Variants in BCAS4 observed in about 807,000 individuals in gnomAD.
BCAS4 encodes breast carcinoma amplified sequence 4.
Under a neutral mutation model 15.7 loss-of-function variants are expected in BCAS4, and 9 were observed. The observed-to-expected ratio is 0.57, with a 90% CI of 0.34 to 1.00. The LOEUF (loss-of-function observed/expected upper bound fraction) is 1.00, where lower values mean the gene tolerates loss of function less well. BCAS4 is among the 50% of genes least tolerant of loss of function. The pLI is 0.02. For missense variants in BCAS4, 225 were observed against 239.1 expected (o/e 0.94, Z 0.39); for synonymous variants, 101 against 99.5 (o/e 1.02, Z -0.09).
intron 2 of BCAS4, among the ~76,000 whole-genome samples, chr20:50,822,415 C>T (rs1008609373): frequency 2.4e-4 from 37 of 152,254 alleles, no homozygotes; most frequent in African/African-American, 8.7e-4. Flanking sequence ...TGTAGCTGTC[C>T]TTAATCCACT....
At position 50,851,101 on chromosome 20, in the gene BCAS4, A is replaced by G. The variant is rs6020793; in HGVS notation, c.399+9201A>G. Reference sequence around the variant, plus strand: ...GGGGTGCTGGGTCTCTCCCCTGCAGAATCCCCCTGCAGGAGGTGACTCGGG... The same window carrying G: ...GGGGTGCTGGGTCTCTCCCCTGCAGGATCCCCCTGCAGGAGGTGACTCGGG... On this transcript the variant is annotated intron_variant, in intron 4 of 4. Coordinates refer to ENST00000371608, the MANE Select transcript of BCAS4 (RefSeq NM_198799.4). This position sits in a 1 kb window ranked among gnomAD's most constrained non-coding sequence, Gnocchi z 4.3. Among the ~76,000 whole-genome samples, 2,043 of 123,244 alleles carry G rather than the reference A, an allele frequency of 0.017. 51 individuals carry two copies. The highest frequency in any genetic ancestry group is 0.059 in the African/African-American group (1,887 of 31,962). 80.9% of individuals were successfully genotyped at this position (123,244 alleles called of 152,430 possible). A position where few individuals can be genotyped will look rare whatever the true frequency, so the allele number is the denominator to read the frequency against.
chr20:50,831,006 T>C (rs948548524), intron 3 of BCAS4, among the ~76,000 whole-genome samples: 7 of 152,194 alleles, frequency 4.6e-5, no homozygotes, highest in African/African-American at 1.4e-4. Context: ...GGCATAAATA[T>C]ACAATGTATA....
At chr20:50,812,257 C>G (rs192136336) in intron 1 of BCAS4, among the ~76,000 whole-genome samples, 2 of 151,562 alleles carry the variant, frequency 1.3e-5, no homozygotes, top group Admixed American at 1.3e-4. Context: ...CTCAGCCTCC[C>G]GAGTAGCTGG....
chr20:50,882,396 T>C, the BCAS4 span: 4 of 151,904 alleles, frequency 2.6e-5, no homozygotes, highest in Non-Finnish European at 5.9e-5. Context: ...TACTATAATG[T>C]TGTAAAAATG....
chr20:50,827,436 A>G (rs1196638732), intron 2 of BCAS4, among the ~76,000 whole-genome samples: 2 of 152,200 alleles, frequency 1.3e-5, no homozygotes, highest in East Asian at 1.9e-4. Context: ...GGCTTTCTCC[A>G]GTGGAATTTG....
intron 4 of BCAS4, among the ~76,000 whole-genome samples, chr20:50,873,622 A>G (rs530387827): frequency 5.3e-5 from 8 of 152,336 alleles, no homozygotes; most frequent in African/African-American, 1.9e-4. Flanking sequence ...CTGGAGATGT[A>G]TCTTGTGGCT....
At chr20:50,836,940 T>G (rs1419131281) in intron 3 of BCAS4, among the ~76,000 whole-genome samples, 3 of 152,032 alleles carry the variant, frequency 2.0e-5, no homozygotes, top group African/African-American at 7.2e-5. Context: ...AACTCCTGGG[T>G]CAAGCAATCT....
intron 1 of BCAS4, among the ~76,000 whole-genome samples, chr20:50,817,113 T>C (rs1230912695): frequency 6.6e-6 from 1 of 152,008 alleles, no homozygotes; most frequent in Non-Finnish European, 1.5e-5. Context: ...ATTTTTTTTT[T>C]TTTTTAAAGG....
At chr20:50,815,299 C>T (rs1370023877) in intron 1 of BCAS4, among the ~76,000 whole-genome samples, 3 of 152,178 alleles carry the variant, frequency 2.0e-5, no homozygotes, top group Non-Finnish European at 2.9e-5. Flanking sequence ...CATCCCACCC[C>T]GCTGGGGCAT....
In BCAS4 at chr20:50,876,718, A is replaced by T. The variant is rs1979973141; in HGVS notation, c.*110A>T. 7.6e-7 allele frequency: 1 copy of T among 1,315,118 alleles called. No homozygotes were observed. Among genetic ancestry groups the T allele is most frequent in the Non-Finnish European group, 9.9e-7 (1 of 1,007,178 alleles). 81.5% of individuals were successfully genotyped at this position (1,315,118 alleles called of 1,614,324 possible). ...TTATTTTATATTTTAAAAATATTTA[A>T]AAAAATGTCGAGATGGGGTCTCACT... On this transcript the variant is annotated 3_prime_UTR_variant, in exon 5 of 5. Transcript: ENST00000371608.
chr20:50,851,733 C>T lies in BCAS4; in HGVS notation c.399+9833C>T, dbSNP rs373470445. Among the ~76,000 whole-genome samples, 1 of 152,154 alleles carries T rather than the reference C, an allele frequency of 6.6e-6. No individual in the cohort carries two copies. The highest frequency in any genetic ancestry group is 2.1e-4 in the South Asian group (1 of 4,828). ...TTGGACATTGTTTGCGGCCTTTGCA[C>T]ATGCCGGTTCCCCTCCCTGGAAAAC... On this transcript the variant is annotated intron_variant, in intron 4 of 4. Coordinates refer to ENST00000371608, the MANE Select transcript of BCAS4 (RefSeq NM_198799.4). This position sits in a 1 kb window ranked among gnomAD's most constrained non-coding sequence, Gnocchi z 4.3.
At chr20:50,832,280 T>TG (rs2088352873) in intron 3 of BCAS4, among the ~76,000 whole-genome samples, 1 of 151,662 alleles carries the variant, frequency 6.6e-6, no homozygotes, top group South Asian at 2.1e-4. Context: ...TTTTTTTAGA[T>TG]GGAGTCTTGC....
At chr20:50,806,733 GTA>G (rs1246523946) in intron 1 of BCAS4, among the ~76,000 whole-genome samples, 1 of 149,206 alleles carries the variant, frequency 6.7e-6, no homozygotes, top group Non-Finnish European at 1.5e-5. Context: ...TATATAGTAG[GTA>G]TATATATTCA....
At chr20:50,842,753 T>G (rs1193481539) in intron 4 of BCAS4, among the ~76,000 whole-genome samples, 1 of 151,960 alleles carries the variant, frequency 6.6e-6, no homozygotes, top group South Asian at 2.1e-4. Context: ...AGACGGAGGC[T>G]CGGGGAAGGA....
intron 4 of BCAS4, among the ~76,000 whole-genome samples, chr20:50,852,166 C>T (rs1313767103): frequency 6.6e-6 from 1 of 152,196 alleles, no homozygotes; most frequent in Non-Finnish European, 1.5e-5. Flanking sequence ...TTAACAAAGC[C>T]AGGGCCTGGC....
intron 4 of BCAS4, among the ~76,000 whole-genome samples, chr20:50,858,556 C>A (rs190075387): frequency 1.3e-5 from 2 of 151,992 alleles, no homozygotes; most frequent in Non-Finnish European, 2.9e-5. Flanking sequence ...GAGCCAAGAT[C>A]GCGCCATTGT....
At chr20:50,809,317 C>T (rs1025476090) in intron 1 of BCAS4, among the ~76,000 whole-genome samples, 4 of 152,096 alleles carry the variant, frequency 2.6e-5, no homozygotes, top group African/African-American at 9.7e-5. Context: ...TCAAGCAATT[C>T]TCCTGCCTCA....
intron 1 of BCAS4, among the ~76,000 whole-genome samples, chr20:50,817,605 G>T (rs2088156098): frequency 6.6e-6 from 1 of 152,056 alleles, no homozygotes; most frequent in Non-Finnish European, 1.5e-5. Flanking sequence ...GTGACTACAG[G>T]CACACGCCAC....
intron 3 of BCAS4, among the ~76,000 whole-genome samples, chr20:50,837,121 T>C (rs1227911997): frequency 1.3e-5 from 2 of 152,114 alleles, no homozygotes; most frequent in Admixed American, 1.3e-4. Flanking sequence ...CTGCTATTAG[T>C]CTCATTTTAC....
Sources: gnomAD v4.1 joint callset for allele counts (sites outside exome capture counted in the v4.1 genomes callset) on GRCh38, gnomAD v4.1.1 for gene constraint, Gnocchi (gnomAD v3.1) non-coding constraint, MANE v1.5 for transcripts, NCBI Gene and HGNC (gene_info 2026-07-23, HGNC 2026-07-21) for gene names.